The following PTPN11 variants were observed in gnomAD, a reference collection of about 807,000 sequenced individuals.
PTPN11 encodes tyrosine-protein phosphatase non-receptor type 11.
In PTPN11, 6 loss-of-function variants were observed where a neutral mutation model predicts 78.8. The ratio of observed to expected loss-of-function variants is 0.08; its 90% CI spans 0.04 to 0.15. The LOEUF (loss-of-function observed/expected upper bound fraction) is 0.15, where lower values mean the gene tolerates loss of function less well. Ranked by LOEUF, PTPN11 falls within the 10% of genes least tolerant of loss-of-function variation. The pLI, the probability that PTPN11 is intolerant of heterozygous loss-of-function variation, is 1.00. For synonymous variants in PTPN11, 221 were observed against 263.5 expected (o/e 0.84, Z 1.56); for missense variants, 386 against 744.8 (o/e 0.52, Z 5.61).
intron 7 of PTPN11, 106 bp from the exon 8 acceptor site, chr12:112,477,545 T>A: frequency 1.2e-6 from 1 of 864,108 alleles, no homozygotes; most frequent in Non-Finnish European, 1.9e-6. Context: ...TTTTTTTCAA[T>A]CATTGAATGA....
chr12:112,489,358 T>G (rs1236179039), intron 13 of PTPN11, among the ~76,000 whole-genome samples, 183 bp downstream of exon 13: 1 of 152,174 alleles, frequency 6.6e-6, no homozygotes, highest in Non-Finnish European at 1.5e-5. Flanking sequence ...CAGCTCTGAT[T>G]TTTCACTGCA....
intron 11 of PTPN11, 51 bp downstream of exon 11, chr12:112,486,680 C>T (rs764441276): frequency 2.3e-5 from 37 of 1,604,128 alleles, no homozygotes; most frequent in Admixed American, 3.4e-5. Context: ...TGTCTCCTAG[C>T]GCCCAGGGCT....
At chr12:112,452,176 CTATTACAACTTTT>C (rs950012009) in intron 3 of PTPN11, among the ~76,000 whole-genome samples, 2 of 151,264 alleles carry the variant, frequency 1.3e-5, no homozygotes, top group African/African-American at 2.4e-5. Flanking sequence ...GTGCCTGTCT[CTATTACAACTTTT>C]TATTACAACT....
chr12:112,449,093 G>T (rs1016756253), intron 2 of PTPN11, among the ~76,000 whole-genome samples: 43 of 151,380 alleles, frequency 2.8e-4, no homozygotes, highest in Non-Finnish European at 5.2e-4. Flanking sequence ...CACCATGTTG[G>T]CCAGGCTGGT....
At chr12:112,425,134 G>T (rs185679073) in intron 1 of PTPN11, among the ~76,000 whole-genome samples, 195 of 151,962 alleles carry the variant, frequency 1.3e-3, no homozygotes, top group African/African-American at 4.6e-3. Context: ...GATTACAGAC[G>T]TGAGCCACTG....
In PTPN11 at chr12:112,505,803, TCTTAA is replaced by T. The variant is rs730880991; in HGVS notation, c.*33-17_*33-13del. The T allele has an allele frequency of 4.8e-3, 736 of 152,848 alleles. 9 individuals carry two copies. Among genetic ancestry groups the T allele is most frequent in the South Asian group, 0.028 (134 of 4,828 alleles). 9.5% of individuals were successfully genotyped at this position (152,848 alleles called of 1,614,324 possible). On this transcript the variant is annotated splice_polypyrimidine_tract_variant and intron_variant, in intron 15 of 15. Coordinates refer to ENST00000351677, the MANE Select transcript of PTPN11 (RefSeq NM_002834.5). ...TTTTAGATATATGTTCCTTAAAAAC[TCTTAA>T]CTTATTTCTTCCCCAGATGTGGACT...
Position 112,482,397 on chromosome 12 carries a change from T to C in PTPN11, c.1224+192T>C, listed in dbSNP as rs1268361285. Among the ~76,000 whole-genome samples, 2 of 152,146 alleles carry C rather than the reference T, an allele frequency of 1.3e-5. No homozygotes were observed. The highest frequency in any genetic ancestry group is 4.8e-5 in the African/African-American group (2 of 41,434). On this transcript the variant is annotated intron_variant, in intron 10 of 15. Coordinates refer to ENST00000351677, the MANE Select transcript of PTPN11 (RefSeq NM_002834.5). The surrounding 1 kb of genome is among the most constrained non-coding windows in gnomAD (Gnocchi z 4.4). ...ACTGGTACATTGTGAACAAGGCAGG[T>C]AGTGTTCCTGCCCTCATCGAGCCTA...
intron 1 of PTPN11, among the ~76,000 whole-genome samples, chr12:112,436,346 G>A (rs919832682): frequency 3.3e-5 from 5 of 152,044 alleles, no homozygotes; most frequent in African/African-American, 9.7e-5. Context: ...GTTCTTTTAT[G>A]TGCATTAATT....
chr12:112,480,379 T>G (rs2038578105), intron 9 of PTPN11, among the ~76,000 whole-genome samples: 1 of 151,750 alleles, frequency 6.6e-6, no homozygotes, highest in Admixed American at 6.6e-5. Context: ...TTTTTTTTTT[T>G]TTTTTGGGAC....
intron 1 of PTPN11, among the ~76,000 whole-genome samples, chr12:112,424,158 ACT>A (rs1355465790): frequency 6.6e-6 from 1 of 152,128 alleles, no homozygotes; most frequent in Non-Finnish European, 1.5e-5. Flanking sequence ...TGGTGGGATA[ACT>A]CTGTGCCAGG....
intron 7 of PTPN11, among the ~76,000 whole-genome samples, chr12:112,474,088 C>T (rs1244409941): frequency 6.6e-6 from 1 of 152,100 alleles, no homozygotes; most frequent in Admixed American, 6.5e-5. Context: ...GTGGCTTACG[C>T]CTGTAATCCC....
intron 6 of PTPN11, among the ~76,000 whole-genome samples, chr12:112,456,544 G>A (rs1055844990): frequency 6.8e-6 from 1 of 147,016 alleles, no homozygotes; most frequent in African/African-American, 2.5e-5. Flanking sequence ...CTGCAGCCCC[G>A]TCCTCCCTGG....
At chr12:112,446,191 A>T in intron 1 of PTPN11, 85 bp from the exon 2 acceptor site, 2 of 1,559,388 alleles carry the variant, frequency 1.3e-6, no homozygotes, top group Non-Finnish European at 1.8e-6. Flanking sequence ...TACTCTGCTC[A>T]TAATGCGTCT....
In PTPN11 at chr12:112,504,716, A is replaced by G. The variant is rs779428225; in HGVS notation, c.1734A>G (p.Arg578=). 4.4e-6 allele frequency: 7 copies of G among 1,589,232 alleles called. 1 individual carries two copies. The South Asian group carries it at 7.7e-5, about 18-fold the overall frequency. ...PCAEMREDSA[R]VYENVGLMQQ... is the part of the protein sequence containing the mutation. ...CCAGAATGAGAGAAGACAGTGCTAG[A>G]GTCTATGAAAACGTGGGCCTGATGC... The change falls in exon 15 of 16, where the codon AGA becomes AGG. Residue 578 remains arginine, a synonymous_variant. Coordinates refer to ENST00000351677, the MANE Select transcript of PTPN11 (RefSeq NM_002834.5). The surrounding 1 kb of genome is among the most constrained non-coding windows in gnomAD (Gnocchi z 4.7).
Position 112,474,728 on chromosome 12 carries a change from A to G in PTPN11, c.853+1688A>G, listed in dbSNP as rs184465589. On this transcript the variant is annotated intron_variant, in intron 7 of 15. Coordinates refer to ENST00000351677, the MANE Select transcript of PTPN11 (RefSeq NM_002834.5). ...CTCCCGGGCTCAAGTGGTCCTTCCC[A>G]CCCCAGCCTGCAATGTAGCTGGGAC... Among the ~76,000 whole-genome samples, 444 of 151,970 alleles carry G rather than the reference A, an allele frequency of 2.9e-3. 1 individual carries two copies. Among genetic ancestry groups the G allele is most frequent in the African/African-American group, 0.01 (425 of 41,462 alleles).
At position 112,482,860 on chromosome 12, in the gene PTPN11, A is replaced by C. The variant is rs1363475458; in HGVS notation, c.1224+655A>C. On this transcript the variant is annotated intron_variant, in intron 10 of 15. Transcript: ENST00000351677. The surrounding 1 kb of genome is among the most constrained non-coding windows in gnomAD (Gnocchi z 4.4). ...GGACAGTGGTGCTGTGGCAGACACC[A>C]CAAAAGCTGGAAGGAGAACTGATGT... Among the ~76,000 whole-genome samples, 3 of 152,172 alleles carry C rather than the reference A, an allele frequency of 2.0e-5. No individual in the cohort carries two copies. The highest frequency in any genetic ancestry group is 7.2e-5 in the African/African-American group (3 of 41,444).
At chr12:112,505,491 T>C (rs866391298) in intron 15 of PTPN11, among the ~76,000 whole-genome samples, 1 of 151,712 alleles carries the variant, frequency 6.6e-6, no homozygotes, top group Non-Finnish European at 1.5e-5. Flanking sequence ...ACTAAAATAG[T>C]AGAGACCAAC....
chr12:112,462,846 C>A (rs973197671), intron 6 of PTPN11, among the ~76,000 whole-genome samples: 11 of 152,004 alleles, frequency 7.2e-5, no homozygotes, highest in African/African-American at 2.7e-4. Context: ...GGGTAGTTTC[C>A]AAATGTATCA....
chr12:112,499,901 C>T (rs1372008178), intron 13 of PTPN11, among the ~76,000 whole-genome samples: 1 of 149,418 alleles, frequency 6.7e-6, no homozygotes, highest in African/African-American at 2.5e-5. Context: ...ATGATTGCAC[C>T]ACTGCGCTCT....
Sources: allele counts gnomAD v4.1 joint callset (sites outside exome capture counted in the v4.1 genomes callset), GRCh38; gene constraint gnomAD v4.1.1; non-coding constraint Gnocchi (gnomAD v3.1); transcripts MANE v1.5; gene names NCBI Gene and HGNC (gene_info 2026-07-23, HGNC 2026-07-21).